Variants in PRKDC observed in about 807,000 individuals in gnomAD.
PRKDC encodes protein kinase, DNA-activated, catalytic subunit.
Under a neutral mutation model 486.9 loss-of-function variants are expected in PRKDC, and 82 were observed. That is an observed-to-expected ratio of 0.17 (90% CI 0.14 to 0.20). The LOEUF is 0.20. PRKDC is among the 10% of genes least tolerant of loss of function. The probability of loss-of-function intolerance (pLI) is 1.00; values close to 1 mark genes in which losing one functional copy is unlikely to be tolerated. For synonymous variants in PRKDC, 1,895 were observed against 1,837.0 expected (o/e 1.03, Z -0.81); for missense variants, 4,504 against 5,038.2 (o/e 0.89, Z 3.21).
chr8:47,854,185 T>A lies in PRKDC; in HGVS notation c.6791A>T (p.Asp2264Val). Residue 2264 changes from aspartate (D) to valine (V), a missense_variant, in exon 51 of 86, where the codon GAT becomes GTT. This residue lies in a region of PRKDC where 1,592 missense variants were observed against 1,724.6 expected (regional missense o/e 0.92). Transcript: ENST00000314191. ...RLIFEKFSGK[D>V]PNSKDNSVGI... Reference sequence around the variant, plus strand: ...TACTGAGTTGTCTTTAGAATTAGGATCTTTACCGGAAAACTTTTCAAATAT... The same window carrying A: ...TACTGAGTTGTCTTTAGAATTAGGAACTTTACCGGAAAACTTTTCAAATAT... The A allele has an allele frequency of 6.2e-7, 1 of 1,613,624 alleles. No individual in the cohort carries two copies. The highest frequency in any genetic ancestry group is 1.1e-5 in the South Asian group (1 of 91,064).
At chr8:47,774,433 C>T (rs1202544291) in intron 85 of PRKDC, 56 bp from the exon 86 acceptor site, 3 of 1,526,414 alleles carry the variant, frequency 2.0e-6, no homozygotes, top group East Asian at 2.3e-5. Context: ...CCTTTGTTGC[C>T]TGCATCCCTA....
intron 26 of PRKDC, among the ~76,000 whole-genome samples, chr8:47,904,352 T>A (rs2089734684): frequency 6.6e-6 from 1 of 152,188 alleles, no homozygotes; most frequent in Non-Finnish European, 1.5e-5. Context: ...TCTCCCAGGT[T>A]GAAGCAATTC....
In PRKDC at chr8:47,939,689, A is replaced by G. The variant is rs1248646231; in HGVS notation, c.975T>C (p.Asn325=). The change falls in exon 11 of 86, where the codon AAT becomes AAC. Residue 325 remains asparagine, a synonymous_variant. Transcript: ENST00000314191. The stretch of plus-strand genomic sequence containing the variant: ...GCATTTCTGCATTTTTCGCCACCAT[A>G]TTAGAAACCTGCAAATACATAATAT... ...ALESFLKQVS[N]MVAKNAEMHK... is the part of the protein sequence containing the mutation. 1.9e-6 allele frequency: 3 copies of G among 1,596,656 alleles called. No homozygotes were observed. Among genetic ancestry groups the G allele is most frequent in the Admixed American group, 1.8e-5 (1 of 57,008 alleles).
intron 45 of PRKDC, among the ~76,000 whole-genome samples, chr8:47,860,240 G>A (rs570739432): frequency 1.3e-5 from 2 of 152,264 alleles, no homozygotes; most frequent in East Asian, 3.9e-4. Context: ...GAGGGATAGT[G>A]GACTAATTTT....
chr8:47,778,162 C>T (rs1024967457), intron 83 of PRKDC, among the ~76,000 whole-genome samples: 7 of 152,132 alleles, frequency 4.6e-5, no homozygotes, highest in Non-Finnish European at 8.8e-5. Flanking sequence ...ATCTGTATCA[C>T]ATTTTTGACC....
chr8:47,921,282 T>C (rs2090066350), intron 21 of PRKDC, among the ~76,000 whole-genome samples: 1 of 151,442 alleles, frequency 6.6e-6, no homozygotes, highest in South Asian at 2.1e-4. Context: ...AAATGAAAAA[T>C]GTAATAAGTT....
intron 54 of PRKDC, among the ~76,000 whole-genome samples, chr8:47,848,421 G>C (rs564078645): frequency 6.6e-6 from 1 of 152,254 alleles, no homozygotes; most frequent in South Asian, 2.1e-4. Context: ...TCATATGTGG[G>C]AGCTAAACAC....
chr8:47,882,058 T>C lies in PRKDC; in HGVS notation c.4816A>G (p.Arg1606Gly), dbSNP rs1563782992. The change falls in exon 37 of 86, where the codon AGG becomes GGG. Residue 1606 changes from arginine (R) to glycine (G), a missense_variant. Physicochemically the swap from Arg to Gly is moderately radical, Grantham distance 125 (BLOSUM62 -2). Transcript: ENST00000314191. Reference sequence around the variant, plus strand: ...TGGTGTTTCTGGTTTGCTCGCTCCCTGAAGCTCTGGTCTAACATGCCGTTC... The same window carrying C: ...TGGTGTTTCTGGTTTGCTCGCTCCCCGAAGCTCTGGTCTAACATGCCGTTC... Reference protein sequence around the residue: ...VLNGMLDQSFRERANQKHQGL... With the variant: ...VLNGMLDQSFGERANQKHQGL... The C allele has an allele frequency of 3.7e-6, 6 of 1,613,992 alleles. No homozygotes were observed. In the South Asian group the frequency reaches 6.6e-5, roughly 18 times the overall value.
intron 16 of PRKDC, among the ~76,000 whole-genome samples, chr8:47,931,530 T>G (rs1473210565): frequency 6.6e-6 from 1 of 151,942 alleles, no homozygotes; most frequent in African/African-American, 2.4e-5. Context: ...ATTTTAGACA[T>G]TTGCAAAGCA....
Position 47,776,170 on chromosome 8 carries a change from C to T in PRKDC, c.12182+674G>A, listed in dbSNP as rs142779134. ...AGTTTTGACTCTTACACTTAGCTCT[C>T]TGATCCATTCTGAATTAATTTTTCC... On this transcript the variant is annotated intron_variant, in intron 85 of 85. Coordinates refer to ENST00000314191, the MANE Select transcript of PRKDC (RefSeq NM_006904.7). 6.9e-3 allele frequency among the ~76,000 whole-genome samples: 1,049 copies of T among 152,324 alleles called. 9 individuals carry two copies. Among genetic ancestry groups the T allele is most frequent in the South Asian group, 0.025 (121 of 4,832 alleles).
intron 16 of PRKDC, 59 bp from the exon 17 acceptor site, chr8:47,930,846 A>G: frequency 1.4e-6 from 2 of 1,467,242 alleles, no homozygotes; most frequent in East Asian, 5.0e-5. Context: ...TCACTCAACA[A>G]ATAACTTTCC....
chr8:47,912,127 G>A (rs2089915276), intron 25 of PRKDC, among the ~76,000 whole-genome samples: 1 of 152,120 alleles, frequency 6.6e-6, no homozygotes, highest in Non-Finnish European at 1.5e-5. Flanking sequence ...CATGAGAGGG[G>A]TGACAGCTAA....
intron 40 of PRKDC, among the ~76,000 whole-genome samples, chr8:47,873,609 A>G (rs2089012004): frequency 6.6e-6 from 1 of 152,206 alleles, no homozygotes; most frequent in South Asian, 2.1e-4. Flanking sequence ...CTTGGAAGCA[A>G]CGTATGTGTC....
intron 42 of PRKDC, among the ~76,000 whole-genome samples, 182 bp from the exon 43 acceptor site, chr8:47,862,723 G>A (rs529313474): frequency 6.6e-6 from 1 of 152,320 alleles, no homozygotes; most frequent in South Asian, 2.1e-4. Context: ...CACAGCAAAG[G>A]CAGCATATAT....
chr8:47,819,384 A>T lies in PRKDC; in HGVS notation c.9445+18T>A. ...CCACAATTAGAAATGAAAAAAAAAGACCGATGAAAAAAATTACCTTGTTTG... is the reference window on the plus strand; with the variant it reads ...CCACAATTAGAAATGAAAAAAAAAGTCCGATGAAAAAAATTACCTTGTTTG... On this transcript the variant is annotated intron_variant, in intron 67 of 85. Coordinates refer to ENST00000314191, the MANE Select transcript of PRKDC (RefSeq NM_006904.7). 7.1e-7 allele frequency: 1 copy of T among 1,415,588 alleles called. No individual in the cohort carries two copies. The highest frequency in any genetic ancestry group is 9.6e-7 in the Non-Finnish European group (1 of 1,039,276). 87.7% of individuals were successfully genotyped at this position (1,415,588 alleles called of 1,614,324 possible).
chr8:47,847,709 C>A (rs1347625603), intron 54 of PRKDC, among the ~76,000 whole-genome samples: 1 of 152,006 alleles, frequency 6.6e-6, no homozygotes, highest in Non-Finnish European at 1.5e-5. Context: ...AACAGACAAC[C>A]TATAGAATGG....
chr8:47,829,222 C>T (rs1398115219), intron 61 of PRKDC, among the ~76,000 whole-genome samples: 2 of 152,158 alleles, frequency 1.3e-5, no homozygotes, highest in Non-Finnish European at 1.5e-5. Context: ...GAGACTTGTG[C>T]TGCTTTTTGG....
chr8:47,953,628 A>G lies in PRKDC; in HGVS notation c.713T>C (p.Met238Thr). 1 of 1,612,442 alleles carries G rather than the reference A, an allele frequency of 6.2e-7. No homozygotes were observed. The highest frequency in any genetic ancestry group is 8.5e-7 in the Non-Finnish European group (1 of 1,179,068). The stretch of plus-strand genomic sequence containing the variant: ...GTGAAGCCAAGCAATACCTTCTTCC[A>G]TGGACTTAGTGAAGTTGCACAGAAG... ...SSLLCNFTKS[M>T]EEDPQTSREI... The change falls in exon 7 of 86, where the codon ATG becomes ACG. Residue 238 changes from methionine to threonine, a missense_variant. This residue lies in a region of PRKDC where 1,969 missense variants were observed against 2,068.9 expected (regional missense o/e 0.95). Transcript: ENST00000314191.
At chr8:47,774,471 G>T in intron 85 of PRKDC, 94 bp from the exon 86 acceptor site, 2 of 1,152,608 alleles carry the variant, frequency 1.7e-6, no homozygotes, top group African/African-American at 1.5e-5. Flanking sequence ...CATTCCCCAC[G>T]TCATCACTCA....
Sources: gnomAD v4.1 joint callset for allele counts (sites outside exome capture counted in the v4.1 genomes callset) on GRCh38, gnomAD v4.1.1 for gene constraint, gnomAD v4.1.1 regional missense constraint, MANE v1.5 for transcripts, NCBI Gene and HGNC (gene_info 2026-07-23, HGNC 2026-07-21) for gene names.